The following ZNF827 variants were observed in gnomAD, a reference collection of about 807,000 sequenced individuals.
ZNF827 encodes zinc finger protein 827.
ZNF827 carries 13 observed loss-of-function variants against 102.4 expected under a neutral mutation model. The ratio of observed to expected loss-of-function variants is 0.13; its 90% CI spans 0.08 to 0.20. The LOEUF (loss-of-function observed/expected upper bound fraction) is 0.20. Among genes scored for constraint, ZNF827 ranks in the 10% least tolerant of loss-of-function variants. ZNF827 has a pLI of 1.00. For synonymous variants in ZNF827, 523 were observed against 536.2 expected, an observed-to-expected ratio of 0.98 and a Z score of 0.34; for missense variants, 1,103 against 1,344.4, an observed-to-expected ratio of 0.82 and a Z score of 2.81.
At chr4:145,879,487 G>T (rs896010931) in intron 4 of ZNF827, among the ~76,000 whole-genome samples, 2 of 150,736 alleles carry the variant, frequency 1.3e-5, no homozygotes, top group Admixed American at 6.6e-5. Flanking sequence ...TTTCCCAGGG[G>T]TCTATCAAGA....
intron 2 of ZNF827, among the ~76,000 whole-genome samples, chr4:145,896,177 T>C (rs955734185): frequency 2.0e-5 from 3 of 152,152 alleles, no homozygotes; most frequent in African/African-American, 7.2e-5. Context: ...GTAGTGACAA[T>C]AAACAAACTC....
At chr4:145,814,972 T>C (rs1482456429) in intron 8 of ZNF827, among the ~76,000 whole-genome samples, 1 of 151,786 alleles carries the variant, frequency 6.6e-6, no homozygotes, top group Non-Finnish European at 1.5e-5. Flanking sequence ...AACCCAAAAA[T>C]TGCACCCAAA....
At chr4:145,864,763 T>A (rs1748032602) in intron 5 of ZNF827, among the ~76,000 whole-genome samples, 1 of 152,168 alleles carries the variant, frequency 6.6e-6, no homozygotes, top group African/African-American at 2.4e-5. Context: ...AACTCTACAT[T>A]TAGCCTTTTA....
At chr4:145,873,715 G>A (rs902165486) in intron 4 of ZNF827, among the ~76,000 whole-genome samples, 2 of 152,152 alleles carry the variant, frequency 1.3e-5, no homozygotes, top group Non-Finnish European at 2.9e-5. Context: ...AAGAGGACTT[G>A]GTTTATCTAG....
intron 11 of ZNF827, among the ~76,000 whole-genome samples, chr4:145,772,744 C>T (rs1413253848): frequency 2.0e-5 from 3 of 152,224 alleles, no homozygotes; most frequent in Non-Finnish European, 4.4e-5. Context: ...AAGGCTCCTA[C>T]TGAATTAAAA....
At chr4:145,888,309 T>C (rs189242016) in intron 3 of ZNF827, among the ~76,000 whole-genome samples, 1 of 152,310 alleles carries the variant, frequency 6.6e-6, no homozygotes, top group East Asian at 1.9e-4. Context: ...TCGAGCACTT[T>C]TCTGTCATAA....
At position 145,762,650 on chromosome 4, in the gene ZNF827, G is replaced by A. The variant is rs934025605; in HGVS notation, c.*17+440C>T. Among the ~76,000 whole-genome samples, 3 of 152,090 alleles carry A rather than the reference G, an allele frequency of 2.0e-5. No homozygotes were observed. Among genetic ancestry groups the A allele is most frequent in the East Asian group, 1.9e-4 (1 of 5,190 alleles). On this transcript the variant is annotated intron_variant, in intron 14 of 14. Transcript: ENST00000508784. This position sits in a 1 kb window ranked among gnomAD's most constrained non-coding sequence, Gnocchi z 4.9. ...CCTAGCCTGGGCCTCTCTGTGGCTC[G>A]GTTTCTCCATCCTTTGCAGTGAGGC...
rs555407646 is a variant in ZNF827, at chr4:145,872,483, T to C, written c.1748-2005A>G. On this transcript the variant is annotated intron_variant, in intron 4 of 14. Coordinates refer to ENST00000508784, the MANE Select transcript of ZNF827 (RefSeq NM_001306215.2). ...GCTTCCAGCCTCCAGAAGAGAGAAATAAATCTGTTATTTAAGTCATCCAGT... is the reference window on the plus strand; with the variant it reads ...GCTTCCAGCCTCCAGAAGAGAGAAACAAATCTGTTATTTAAGTCATCCAGT... Among the ~76,000 whole-genome samples, 7 of 152,302 alleles carry C rather than the reference T, an allele frequency of 4.6e-5. No individual in the cohort carries two copies. In the South Asian group the frequency reaches 1.5e-3, roughly 32 times the overall value.
chr4:145,839,068 A>T (rs1346058524), intron 7 of ZNF827: 1 of 152,234 alleles, frequency 6.6e-6, no homozygotes, highest in African/African-American at 2.4e-5. Flanking sequence ...TAGAAGAAAA[A>T]TACAGCATCT....
intron 8 of ZNF827, among the ~76,000 whole-genome samples, chr4:145,798,535 G>A (rs1265350999): frequency 1.3e-5 from 2 of 152,118 alleles, no homozygotes; most frequent in African/African-American, 2.4e-5. Context: ...GTGTGGTGGC[G>A]TGTACCTGTA....
At chr4:145,800,331 A>G (rs1740768210) in intron 8 of ZNF827, among the ~76,000 whole-genome samples, 1 of 152,086 alleles carries the variant, frequency 6.6e-6, no homozygotes, top group African/African-American at 2.4e-5. Flanking sequence ...TAGTGAAGCA[A>G]TATCATTTCA....
intron 5 of ZNF827, among the ~76,000 whole-genome samples, chr4:145,864,870 G>C (rs928971301): frequency 6.6e-6 from 1 of 152,206 alleles, no homozygotes; most frequent in African/African-American, 2.4e-5. Flanking sequence ...GGAGGCAAAT[G>C]TGAGAAGGCA....
Position 145,784,209 on chromosome 4 carries a change from G to C in ZNF827, c.2384-4698C>G, listed in dbSNP as rs115117130. Among the ~76,000 whole-genome samples, 1,453 of 152,280 alleles carry C rather than the reference G, an allele frequency of 9.5e-3. 24 individuals carry two copies. The highest frequency in any genetic ancestry group is 0.033 in the African/African-American group (1,387 of 41,538). On this transcript the variant is annotated intron_variant, in intron 8 of 14. Transcript: ENST00000508784. ...AAACCCTTTCATTGTAAATTACCCA[G>C]TATTTCTTGATAGCACTGCAGGAAC...
In ZNF827 at chr4:145,765,831, A is replaced by G. The variant is rs1311007422; in HGVS notation, c.2861-93T>C. On this transcript the variant is annotated intron_variant, in intron 11 of 14. Coordinates refer to ENST00000508784, the MANE Select transcript of ZNF827 (RefSeq NM_001306215.2). This position sits in a 1 kb window ranked among gnomAD's most constrained non-coding sequence, Gnocchi z 4.7. ...GTGACGAGTTGAGTCTCATGGATGC[A>G]TCATCATTCTGGGGGCACAGGCTCA... 1 of 1,310,962 alleles carries G rather than the reference A, an allele frequency of 7.6e-7. No individual in the cohort carries two copies. Among genetic ancestry groups the G allele is most frequent in the African/African-American group, 1.5e-5 (1 of 67,792 alleles). 81.2% of individuals were successfully genotyped at this position (1,310,962 alleles called of 1,614,324 possible).
intron 8 of ZNF827, among the ~76,000 whole-genome samples, chr4:145,817,828 A>G (rs1395250915): frequency 6.6e-6 from 1 of 152,200 alleles, no homozygotes; most frequent in Non-Finnish European, 1.5e-5. Flanking sequence ...TGTTTCTTCT[A>G]TGCTGCTGAC....
intron 8 of ZNF827, among the ~76,000 whole-genome samples, chr4:145,814,403 C>A (rs981544378): frequency 6.6e-6 from 1 of 152,188 alleles, no homozygotes; most frequent in Non-Finnish European, 1.5e-5. Context: ...CTGGGAGCAG[C>A]TTTAACTGAT....
At chr4:145,889,512 C>A (rs536609837) in intron 3 of ZNF827, among the ~76,000 whole-genome samples, 1 of 151,734 alleles carries the variant, frequency 6.6e-6, no homozygotes, top group East Asian at 2.0e-4. Flanking sequence ...GTTTTTCTGA[C>A]CATACAGTTT....
At chr4:145,853,259 C>G (rs1048961569) in intron 5 of ZNF827, among the ~76,000 whole-genome samples, 1 of 152,186 alleles carries the variant, frequency 6.6e-6, no homozygotes, top group African/African-American at 2.4e-5. Context: ...AACATAACAA[C>G]GGTTGAATTA....
intron 8 of ZNF827, among the ~76,000 whole-genome samples, chr4:145,807,765 A>C (rs1014722858): frequency 4.0e-5 from 6 of 149,974 alleles, no homozygotes; most frequent in African/African-American, 1.5e-4. Context: ...CCACTGTGCC[A>C]GGCTGCTTTA....
Sources: allele counts gnomAD v4.1 joint callset (sites outside exome capture counted in the v4.1 genomes callset), GRCh38; gene constraint gnomAD v4.1.1; non-coding constraint Gnocchi (gnomAD v3.1); transcripts MANE v1.5; gene names NCBI Gene and HGNC (gene_info 2026-07-23, HGNC 2026-07-21).